Variants in RRM2 observed in about 807,000 individuals in gnomAD.
RRM2 encodes the protein ribonucleotide reductase regulatory subunit M2.
RRM2 carries 6 observed loss-of-function variants against 45.9 expected under a neutral mutation model. The ratio of observed to expected loss-of-function variants is 0.13; its 90% confidence interval spans 0.07 to 0.26. The LOEUF (loss-of-function observed/expected upper bound fraction) is 0.26, where lower values mean the gene tolerates loss of function less well. RRM2 is among the 10% of genes least tolerant of loss of function. RRM2 has a pLI of 1.00. For synonymous variants in RRM2, 177 were observed against 173.0 expected, an observed-to-expected ratio of 1.02 and a Z score of -0.18; for missense variants, 343 against 489.5, an observed-to-expected ratio of 0.70 and a Z score of 2.82.
intron 5 of RRM2, 107 bp downstream of exon 5, chr2:10,124,957 C>T (rs555064056): frequency 4.0e-4 from 405 of 1,017,842 alleles, no homozygotes; most frequent in Non-Finnish European, 5.4e-4. Flanking sequence ...ATGACTAAGA[C>T]AGTCATAGGC....
At chr2:10,184,039 G>A (rs1462296189) in intron 3 of RRM2, among the ~76,000 whole-genome samples, 1 of 126,018 alleles carries the variant, frequency 7.9e-6, no homozygotes, top group Non-Finnish European at 1.6e-5. Context: ...CTTACAGTGA[G>A]CCAAGATCGC....
At chr2:10,141,880 C>T (rs1663086974) in exon 2 of RRM2, 1 of 1,568,334 alleles carries the variant, frequency 6.4e-7, no homozygotes, top group Non-Finnish European at 8.6e-7. Context: ...AAGTGCAAAG[C>T]AGATGGAGTC....
chr2:10,203,240 A>T (rs370664968), intron 3 of RRM2, among the ~76,000 whole-genome samples: 1 of 152,172 alleles, frequency 6.6e-6, no homozygotes, highest in Non-Finnish European at 1.5e-5. Flanking sequence ...CTCATTCAAC[A>T]TTCCTGTGTT....
chr2:10,150,485 T>C (rs1663283972), intron 3 of RRM2, among the ~76,000 whole-genome samples: 1 of 146,502 alleles, frequency 6.8e-6, no homozygotes, highest in Non-Finnish European at 1.5e-5. Context: ...ATCCTGTTTC[T>C]CTTTCTCCTT....
chr2:10,209,582 T>C (rs1021398332), intron 3 of RRM2, among the ~76,000 whole-genome samples: 28 of 147,814 alleles, frequency 1.9e-4, no homozygotes, highest in African/African-American at 6.7e-4. Context: ...TGCATGTGTG[T>C]GTGTGTGTGC....
upstream of RRM2, among the ~76,000 whole-genome samples, chr2:10,139,320 C>T (rs571790029): frequency 1.3e-5 from 2 of 152,342 alleles, no homozygotes; most frequent in African/African-American, 4.8e-5. Flanking sequence ...TTGGCAAAGG[C>T]ACTGGCTCAT....
At chr2:10,186,565 G>A (rs1664170834) in intron 3 of RRM2, among the ~76,000 whole-genome samples, 1 of 152,192 alleles carries the variant, frequency 6.6e-6, no homozygotes, top group South Asian at 2.1e-4. Flanking sequence ...AGGTCCACAG[G>A]AGCAGACGCT....
intron 5 of RRM2, among the ~76,000 whole-genome samples, chr2:10,126,009 G>A (rs1220679186): frequency 1.3e-5 from 2 of 151,710 alleles, no homozygotes; most frequent in African/African-American, 4.8e-5. Flanking sequence ...AAGAATGAAC[G>A]ACAGCTGGGC....
intron 3 of RRM2, among the ~76,000 whole-genome samples, chr2:10,167,459 C>T (rs1663707212): frequency 6.6e-6 from 1 of 152,050 alleles, no homozygotes; most frequent in South Asian, 2.1e-4. Context: ...GGGTGTGTGT[C>T]CGTGCCTGTG....
At chr2:10,132,810 T>C (rs1662925187), downstream of RRM2, among the ~76,000 whole-genome samples, 1 of 152,222 alleles carries the variant, frequency 6.6e-6, no homozygotes, top group Admixed American at 6.5e-5. Context: ...GTCAAGAAGA[T>C]GACCAACTAC....
intron 5 of RRM2, chr2:10,126,521 A>G (rs1488332041): frequency 4.7e-6 from 1 of 213,322 alleles, no homozygotes; most frequent in Admixed American, 5.5e-5. Context: ...TCAAATTTAA[A>G]TTCTATGATT....
chr2:10,132,570 A>G (rs1362007412), downstream of RRM2, among the ~76,000 whole-genome samples: 1 of 152,222 alleles, frequency 6.6e-6, no homozygotes, highest in Non-Finnish European at 1.5e-5. Context: ...ATTTATAAGC[A>G]TAAGGCCTCC....
At chr2:10,163,978 C>G (rs1022644679) in intron 3 of RRM2, among the ~76,000 whole-genome samples, 1 of 151,810 alleles carries the variant, frequency 6.6e-6, no homozygotes, top group Non-Finnish European at 1.5e-5. Context: ...AGTTCATTTC[C>G]CTCGAGCTAA....
At chr2:10,124,456 T>G (rs116557757) in intron 4 of RRM2, among the ~76,000 whole-genome samples, 2 of 152,306 alleles carry the variant, frequency 1.3e-5, no homozygotes, top group East Asian at 3.9e-4. Flanking sequence ...TTTGGTTGTA[T>G]CTCTTATTGC....
At chr2:10,188,945 C>T (rs1437892335) in intron 3 of RRM2, among the ~76,000 whole-genome samples, 1 of 152,128 alleles carries the variant, frequency 6.6e-6, no homozygotes, top group Non-Finnish European at 1.5e-5. Context: ...CGCCGGCGCC[C>T]CATGTAGCTG....
chr2:10,152,035 G>A (rs181334844), intron 3 of RRM2, among the ~76,000 whole-genome samples: 157 of 151,708 alleles, frequency 1.0e-3, no homozygotes, highest in African/African-American at 3.7e-3. Context: ...TGCAAGCTCC[G>A]CCTCCCAGGT....
At chr2:10,194,484 G>A (rs1572530247) in intron 3 of RRM2, among the ~76,000 whole-genome samples, 1 of 152,232 alleles carries the variant, frequency 6.6e-6, no homozygotes, top group East Asian at 1.9e-4. Context: ...TGGGGCCTAG[G>A]CCTGTGCAGG....
At chr2:10,173,524 C>T (rs1301462810) in intron 3 of RRM2, among the ~76,000 whole-genome samples, 3 of 152,200 alleles carry the variant, frequency 2.0e-5, no homozygotes, top group Non-Finnish European at 4.4e-5. Context: ...AGAGGCCCAG[C>T]CCAATGCAGG....
At chr2:10,138,574 T>C (rs1246643998), upstream of RRM2, among the ~76,000 whole-genome samples, 4 of 152,000 alleles carry the variant, frequency 2.6e-5, no homozygotes. Flanking sequence ...GTGTTGGGAT[T>C]ACAGGTGTGA....
Sources: allele counts gnomAD v4.1 joint callset (sites outside exome capture counted in the v4.1 genomes callset), GRCh38; gene constraint gnomAD v4.1.1; transcripts MANE v1.5; gene names NCBI Gene and HGNC (gene_info 2026-07-23, HGNC 2026-07-21).